Variants in TMCC1 observed in about 807,000 individuals in gnomAD.
TMCC1 encodes transmembrane and coiled-coil domain family 1, also known as transmembrane and coiled-coil domains protein 1.
TMCC1 carries 15 observed loss-of-function variants against 52.4 expected under a neutral mutation model. The observed-to-expected ratio is 0.29, with a 90% CI of 0.19 to 0.44. TMCC1 has a LOEUF of 0.44. TMCC1 is among the 20% of genes least tolerant of loss of function. TMCC1 has a pLI of 1.00. For synonymous variants in TMCC1, 279 were observed against 301.9 expected (o/e 0.92, Z 0.79); for missense variants, 503 against 806.0 (o/e 0.62, Z 4.55).
Position 129,828,486 on chromosome 3 carries a change from T to A in TMCC1, c.-108A>T. 1 of 1,047,860 alleles carries A rather than the reference T, an allele frequency of 9.5e-7. No homozygotes were observed. Among genetic ancestry groups the A allele is most frequent in the Non-Finnish European group, 1.4e-6 (1 of 711,852 alleles). The allele number at this position is 1,047,860 out of a possible 1,614,324, so 64.9% of individuals were successfully genotyped here. ...TCAACAGTGACTACGCATGCAGCTG[T>A]GAGACGAAGGCTTCATGCCTATCTA... On this transcript the variant is annotated 5_prime_UTR_variant, in exon 4 of 7. Coordinates refer to ENST00000393238, the MANE Select transcript of TMCC1 (RefSeq NM_001017395.5). This position sits in a 1 kb window ranked among gnomAD's most constrained non-coding sequence, Gnocchi z 4.1.
intron 5 of TMCC1, among the ~76,000 whole-genome samples, chr3:129,666,815 A>T (rs997761555): frequency 6.6e-6 from 1 of 151,770 alleles, no homozygotes; most frequent in Non-Finnish European, 1.5e-5. Context: ...CTGCAGTCCC[A>T]GCTACTCAGG....
chr3:129,786,403 C>G (rs1466860217), intron 4 of TMCC1, among the ~76,000 whole-genome samples: 1 of 152,106 alleles, frequency 6.6e-6, no homozygotes, highest in Non-Finnish European at 1.5e-5. Context: ...GAGTATGCAC[C>G]AGACTGGTGA....
intron 4 of TMCC1, among the ~76,000 whole-genome samples, chr3:129,693,128 C>T (rs977037051): frequency 6.6e-6 from 1 of 152,124 alleles, no homozygotes; most frequent in Non-Finnish European, 1.5e-5. Context: ...GAAAAGAAGC[C>T]ATGAAACATG....
intron 2 of TMCC1, chr3:129,848,194 A>C (rs1001408803): frequency 1.3e-5 from 2 of 152,160 alleles, no homozygotes; most frequent in African/African-American, 4.8e-5. Context: ...TTTCCCCTTT[A>C]TACTTCATGC....
rs114933364 is a variant in TMCC1 at position 129,827,902 on chromosome 3, T to C, written c.477A>G (p.Thr159=). The C allele has an allele frequency of 2.3e-4, 367 of 1,614,014 alleles. 1 individual carries two copies. In the African/African-American group the frequency reaches 3.2e-3, roughly 14 times the overall value. The change falls in exon 4 of 7, where the codon ACA becomes ACG. Residue 159 remains threonine (T), a synonymous_variant. Transcript: ENST00000393238. ...TAGCAGAGCTGGTAGGTGCATCAGT[T>C]GTGGATGAAGACCTGGGTCGGCCTG... ...MQSGRPRSSS[T]TDAPTSSAMM... is the part of the protein sequence containing the mutation.
At chr3:129,701,451 C>T (rs562885221) in intron 4 of TMCC1, among the ~76,000 whole-genome samples, 1 of 152,080 alleles carries the variant, frequency 6.6e-6, no homozygotes, top group South Asian at 2.1e-4. Flanking sequence ...TATGTAAAAG[C>T]GAACCCCCAT....
At chr3:129,730,986 A>G (rs999186586) in intron 4 of TMCC1, among the ~76,000 whole-genome samples, 1 of 152,246 alleles carries the variant, frequency 6.6e-6, no homozygotes, top group Non-Finnish European at 1.5e-5. Context: ...CAGAAAGCAG[A>G]AGGAGGAACT....
Position 129,781,892 on chromosome 3 carries a change from T to C in TMCC1, c.576+45911A>G, listed in dbSNP as rs1174965163. On this transcript the variant is annotated intron_variant, in intron 4 of 6. Transcript: ENST00000393238. ...AAAGATGGTAGCAGAGATGAGTAGTTAATACCCAAATTTTAGGTATATTTA... is the reference window on the plus strand; with the variant it reads ...AAAGATGGTAGCAGAGATGAGTAGTCAATACCCAAATTTTAGGTATATTTA... Among the ~76,000 whole-genome samples the C allele has an allele frequency of 8.5e-5, 13 of 152,242 alleles. No homozygotes were observed. In the East Asian group the frequency reaches 2.5e-3, roughly 29 times the overall value.
In TMCC1 at chr3:129,670,613, T is replaced by C. The variant is rs2087850447; in HGVS notation, c.1228A>G (p.Asn410Asp). The stretch of plus-strand genomic sequence containing the variant: ...CCATATTTTGGGCTAGACTGAAAGT[T>C]TGAAATCACTCCCAAAGCCTTCCCC... ...DAGKALGVISNFQSSPKYGSE... is the reference protein window; with the variant it reads ...DAGKALGVISDFQSSPKYGSE... Residue 410 changes from asparagine to aspartate, a missense_variant, in exon 5 of 7, where the codon AAC becomes GAC. This residue lies in a region of TMCC1 where 38 missense variants were observed against 29.8 expected (regional missense o/e 1.28). Coordinates refer to ENST00000393238, the MANE Select transcript of TMCC1 (RefSeq NM_001017395.5). 1.2e-6 allele frequency: 2 copies of C among 1,614,230 alleles called. No individual in the cohort carries two copies. Among genetic ancestry groups the C allele is most frequent in the Non-Finnish European group, 8.5e-7 (1 of 1,180,040 alleles).
chr3:129,867,312 C>T (rs1367180078), intron 2 of TMCC1, among the ~76,000 whole-genome samples: 2 of 152,206 alleles, frequency 1.3e-5, no homozygotes, highest in African/African-American at 2.4e-5. Flanking sequence ...ATTTTTCATA[C>T]TTGCAATGAT....
chr3:129,763,023 C>G (rs2053741171), intron 4 of TMCC1, among the ~76,000 whole-genome samples: 1 of 151,088 alleles, frequency 6.6e-6, no homozygotes, highest in South Asian at 2.1e-4. Flanking sequence ...ATGGTGAAAC[C>G]CCGTCTCTAC....
chr3:129,783,558 GA>G (rs569014920), intron 4 of TMCC1, among the ~76,000 whole-genome samples: 11 of 146,150 alleles, frequency 7.5e-5, no homozygotes, highest in Non-Finnish European at 9.1e-5. Flanking sequence ...CACCAAAATA[GA>G]AAAAAAAAAG....
chr3:129,845,188 A>T (rs1404045898), intron 2 of TMCC1, among the ~76,000 whole-genome samples: 1 of 18,482 alleles, frequency 5.4e-5, no homozygotes, highest in Non-Finnish European at 1.4e-4. Flanking sequence ...TCCCTGTCAC[A>T]CTCACACACA....
chr3:129,724,253 C>G (rs1303749946), intron 4 of TMCC1, among the ~76,000 whole-genome samples: 3 of 152,062 alleles, frequency 2.0e-5, no homozygotes, highest in African/African-American at 7.2e-5. Flanking sequence ...AATCTTCAGC[C>G]CAGTTAAGCA....
chr3:129,726,367 C>A (rs2050081383), intron 4 of TMCC1, among the ~76,000 whole-genome samples: 1 of 142,170 alleles, frequency 7.0e-6, no homozygotes, highest in East Asian at 2.1e-4. Flanking sequence ...GTTCTCTAGG[C>A]TACTATTTCT....
Position 129,771,344 on chromosome 3 carries a change from G to C in TMCC1, c.576+56459C>G, listed in dbSNP as rs564276932. On this transcript the variant is annotated intron_variant, in intron 4 of 6. Transcript: ENST00000393238. Reference sequence around the variant, plus strand: ...TATTTGGCCCATATTTGAAAAATAAGGTTGCAAAGTTGGGCTAAATGGTGC... The same window carrying C: ...TATTTGGCCCATATTTGAAAAATAACGTTGCAAAGTTGGGCTAAATGGTGC... 3.5e-4 allele frequency among the ~76,000 whole-genome samples: 54 copies of C among 152,162 alleles called. 1 individual carries two copies. The highest frequency in any genetic ancestry group is 7.1e-4 in the Non-Finnish European group (48 of 68,026).
At chr3:129,674,076 C>T (rs903746645) in intron 4 of TMCC1, among the ~76,000 whole-genome samples, 2 of 152,216 alleles carry the variant, frequency 1.3e-5, no homozygotes, top group African/African-American at 4.8e-5. Flanking sequence ...GGCTATACCA[C>T]ATAGCCCAGG....
intron 4 of TMCC1, among the ~76,000 whole-genome samples, chr3:129,722,955 A>C (rs2107597671): frequency 6.6e-6 from 1 of 152,358 alleles, no homozygotes; most frequent in African/African-American, 2.4e-5. Context: ...ATCTGTTTGG[A>C]TCTTAAATCC....
At chr3:129,834,932 T>C (rs1482161815) in intron 2 of TMCC1, among the ~76,000 whole-genome samples, 2 of 152,246 alleles carry the variant, frequency 1.3e-5, no homozygotes, top group Non-Finnish European at 1.5e-5. Context: ...CCAAAGAAAT[T>C]GATTGCCTTT....
Sources: gnomAD v4.1 joint callset for allele counts (sites outside exome capture counted in the v4.1 genomes callset) on GRCh38, gnomAD v4.1.1 for gene constraint, gnomAD v4.1.1 regional missense constraint, Gnocchi (gnomAD v3.1) non-coding constraint, MANE v1.5 for transcripts, NCBI Gene and HGNC (gene_info 2026-07-23, HGNC 2026-07-21) for gene names.